Variants in PPP1R12B observed in about 807,000 individuals in gnomAD.
The protein encoded by PPP1R12B is myosin phosphatase target subunit 2.
Under a neutral mutation model 126.1 loss-of-function variants are expected in PPP1R12B, and 76 were observed. That is an observed-to-expected ratio of 0.60 (90% CI 0.50 to 0.73). PPP1R12B has a LOEUF of 0.73. Among genes scored for constraint, PPP1R12B ranks in the 30% least tolerant of loss-of-function variants. The pLI, the probability that PPP1R12B is intolerant of heterozygous loss-of-function variation, is 0.00. For synonymous variants in PPP1R12B, 356 were observed against 434.7 expected (o/e 0.82, Z 2.25); for missense variants, 1,052 against 1,205.1 (o/e 0.87, Z 1.88).
chr1:202,553,818 T>C (rs1182237525), intron 18 of PPP1R12B, among the ~76,000 whole-genome samples: 1 of 152,232 alleles, frequency 6.6e-6, no homozygotes, highest in East Asian at 1.9e-4. Flanking sequence ...CTACCTTATG[T>C]TCTGCTTGCC....
intron 18 of PPP1R12B, among the ~76,000 whole-genome samples, chr1:202,513,065 T>C (rs1360032855): frequency 2.6e-5 from 4 of 152,202 alleles, no homozygotes; most frequent in African/African-American, 7.2e-5. Context: ...CCTCCACCTC[T>C]TGGGTTCAAG....
At chr1:202,494,832 C>T (rs919456438) in intron 15 of PPP1R12B, among the ~76,000 whole-genome samples, 5 of 152,154 alleles carry the variant, frequency 3.3e-5, no homozygotes, top group South Asian at 2.1e-4. Context: ...ATTCAGAACT[C>T]GGTAGGATAC....
intron 1 of PPP1R12B, among the ~76,000 whole-genome samples, chr1:202,383,459 C>T (rs1483103171): frequency 6.6e-6 from 1 of 152,110 alleles, no homozygotes; most frequent in Admixed American, 6.5e-5. Flanking sequence ...TTTGGTGGCT[C>T]ATGCTTGTAA....
At chr1:202,518,816 C>T (rs1038272579) in intron 18 of PPP1R12B, among the ~76,000 whole-genome samples, 2 of 152,160 alleles carry the variant, frequency 1.3e-5, no homozygotes, top group African/African-American at 2.4e-5. Context: ...GTGGCTATTT[C>T]GTGAACTGAG....
chr1:202,402,730 GGTCAGATGCCTGA>G (rs1305020609), intron 1 of PPP1R12B, among the ~76,000 whole-genome samples: 1 of 152,126 alleles, frequency 6.6e-6, no homozygotes, highest in Non-Finnish European at 1.5e-5. Context: ...CTGTCCAAGG[GGTCAGATGCCTGA>G]GAGATGCAAC....
chr1:202,567,402 C>A, intron 21 of PPP1R12B: 2 of 146,702 alleles, frequency 1.4e-5, no homozygotes, highest in Non-Finnish European at 2.8e-5. Context: ...TTTGTTATTT[C>A]CTCTGGGTTG....
At chr1:202,530,430 C>T (rs775928893) in intron 18 of PPP1R12B, among the ~76,000 whole-genome samples, 1 of 152,160 alleles carries the variant, frequency 6.6e-6, no homozygotes, top group Non-Finnish European at 1.5e-5. Context: ...ATGTTGTTCA[C>T]ATTAAAAAGA....
chr1:202,507,949 C>G (rs771931264), intron 18 of PPP1R12B, among the ~76,000 whole-genome samples: 12 of 152,178 alleles, frequency 7.9e-5, no homozygotes, highest in Non-Finnish European at 1.5e-4. Context: ...AGTCCTTTTT[C>G]AGCAAATGGA....
intron 1 of PPP1R12B, among the ~76,000 whole-genome samples, chr1:202,393,084 T>C (rs1333280951): frequency 6.6e-6 from 1 of 152,162 alleles, no homozygotes; most frequent in Non-Finnish European, 1.5e-5. Flanking sequence ...GGGCTGGGAC[T>C]ACAGGCACAC....
At chr1:202,384,428 C>T (rs114409962) in intron 1 of PPP1R12B, among the ~76,000 whole-genome samples, 17 of 152,208 alleles carry the variant, frequency 1.1e-4, no homozygotes, top group Admixed American at 5.9e-4. Flanking sequence ...GAAAACATTA[C>T]GCGAAGTGAA....
intron 10 of PPP1R12B, chr1:202,438,453 A>G (rs1464076823): frequency 4.6e-6 from 2 of 431,824 alleles, no homozygotes; most frequent in Non-Finnish European, 8.7e-6. Context: ...CCAGGGTCCC[A>G]CCGCTTGAGG....
intron 18 of PPP1R12B, among the ~76,000 whole-genome samples, chr1:202,537,887 ATG>A (rs1391607574): frequency 5.3e-5 from 8 of 152,254 alleles, no homozygotes; most frequent in African/African-American, 1.9e-4. Context: ...AAAAGATCTA[ATG>A]GAGACTCACC....
chr1:202,562,372 CAT>C (rs1194044865), intron 19 of PPP1R12B, among the ~76,000 whole-genome samples: 1 of 152,202 alleles, frequency 6.6e-6, no homozygotes, highest in Non-Finnish European at 1.5e-5. Flanking sequence ...TCTAAGTCCA[CAT>C]GTTTCTGATT....
chr1:202,473,924 G>A (rs753076149), intron 13 of PPP1R12B: 15 of 532,746 alleles, frequency 2.8e-5, no homozygotes, highest in East Asian at 2.2e-4. Context: ...CTTGACCTTC[G>A]TTCTGCTATG....
chr1:202,514,107 A>G (rs1286969141), intron 18 of PPP1R12B, among the ~76,000 whole-genome samples: 2 of 150,940 alleles, frequency 1.3e-5, no homozygotes, highest in Non-Finnish European at 3.0e-5. Flanking sequence ...TCTTTTTTTA[A>G]CTTTTTACTA....
At position 202,348,970 on chromosome 1, in the gene PPP1R12B, G is replaced by A; in HGVS notation, c.119G>A (p.Gly40Asp). The stretch of plus-strand genomic sequence containing the variant: ...GAGCAGGAGCCTGCGGAGCGACGAG[G>A]CGCGGGGCGGCAGCCGCTGACCAGG... ...LTEQEPAERR[G>D]AGRQPLTRRG... is the part of the protein sequence containing the mutation. The change falls in exon 1 of 24, where the codon GGC (glycine) becomes GAC (aspartate). Residue 40 changes from glycine to aspartate, a missense_variant. Transcript: ENST00000608999. The A allele has an allele frequency of 6.2e-7, 1 of 1,601,658 alleles. No homozygotes were observed. Among genetic ancestry groups the A allele is most frequent in the Non-Finnish European group, 8.5e-7 (1 of 1,175,454 alleles).
intron 12 of PPP1R12B, chr1:202,445,106 A>T: frequency 1.6e-6 from 2 of 1,247,156 alleles, no homozygotes; most frequent in Non-Finnish European, 2.0e-6. Flanking sequence ...ATCGCAATTC[A>T]TCTCCTGCTA....
intron 18 of PPP1R12B, among the ~76,000 whole-genome samples, chr1:202,499,165 T>C (rs889067661): frequency 6.6e-6 from 1 of 152,162 alleles, no homozygotes; most frequent in Non-Finnish European, 1.5e-5. Context: ...CAAGAATAAG[T>C]GATACTAATC....
At chr1:202,361,553 C>A (rs777540921) in intron 1 of PPP1R12B, among the ~76,000 whole-genome samples, 10 of 152,286 alleles carry the variant, frequency 6.6e-5, no homozygotes, top group South Asian at 4.1e-4. Flanking sequence ...CATTTCCCAC[C>A]AGGCCCCACT....
Sources: allele counts gnomAD v4.1 joint callset (sites outside exome capture counted in the v4.1 genomes callset), GRCh38; gene constraint gnomAD v4.1.1; transcripts MANE v1.5; gene names NCBI Gene and HGNC (gene_info 2026-07-23, HGNC 2026-07-21).